AAK1: variants seen among roughly 807,000 people sequenced by gnomAD.
AAK1 encodes AP2 associated kinase 1.
Under a neutral mutation model 116.0 loss-of-function variants are expected in AAK1, and 37 were observed. The observed-to-expected ratio is 0.32, with a 90% CI of 0.25 to 0.42. The LOEUF is 0.42. Ranked by LOEUF, AAK1 falls within the 10% of genes least tolerant of loss-of-function variation. The probability of loss-of-function intolerance (pLI) is 1.00; values close to 1 mark genes in which losing one functional copy is unlikely to be tolerated. For missense variants in AAK1, 919 were observed against 1,170.6 expected, an observed-to-expected ratio of 0.79 and a Z score of 3.14; for synonymous variants, 458 against 439.9, an observed-to-expected ratio of 1.04 and a Z score of -0.51.
chr2:69,600,526 C>T (rs1673527944), intron 2 of AAK1, among the ~76,000 whole-genome samples: 1 of 151,994 alleles, frequency 6.6e-6, no homozygotes, highest in African/African-American at 2.4e-5. Flanking sequence ...AGAAGTGGAG[C>T]CTGAAGATGT....
chr2:69,640,354 A>C (rs1459092648), intron 2 of AAK1, among the ~76,000 whole-genome samples: 2 of 152,158 alleles, frequency 1.3e-5, no homozygotes, highest in African/African-American at 2.4e-5. Flanking sequence ...CCACTGCCAC[A>C]GGGAAACAGA....
intron 1 of AAK1, 30 bp downstream of exon 1, chr2:69,643,545 C>T: frequency 4.9e-6 from 6 of 1,227,818 alleles, no homozygotes; most frequent in Non-Finnish European, 6.1e-6. Context: ...TCCCCGCCGC[C>T]CCTCGAGGCG....
At chr2:69,565,038 G>A (rs940233788) in intron 2 of AAK1, among the ~76,000 whole-genome samples, 9 of 152,208 alleles carry the variant, frequency 5.9e-5, no homozygotes, top group Admixed American at 2.6e-4. Flanking sequence ...AAACCCAAAT[G>A]CCTGAAGAGC....
intron 2 of AAK1, among the ~76,000 whole-genome samples, chr2:69,635,095 A>C (rs1013336350): frequency 6.6e-6 from 1 of 152,262 alleles, no homozygotes; most frequent in Non-Finnish European, 1.5e-5. Flanking sequence ...CAGAATATAC[A>C]GAGAACTCCT....
intron 2 of AAK1, among the ~76,000 whole-genome samples, chr2:69,609,843 A>G (rs1470504746): frequency 6.6e-6 from 1 of 151,974 alleles, no homozygotes; most frequent in East Asian, 1.9e-4. Flanking sequence ...AGGTCAGGAG[A>G]TCGAGACCAT....
chr2:69,614,379 ACT>A (rs1378268743), intron 2 of AAK1, among the ~76,000 whole-genome samples: 1 of 151,908 alleles, frequency 6.6e-6, no homozygotes, highest in Non-Finnish European at 1.5e-5. Context: ...AGTCTAGTAA[ACT>A]CTCTCTCATG....
At chr2:69,504,976 A>T (rs1558917123) in intron 16 of AAK1, among the ~76,000 whole-genome samples, 1 of 152,142 alleles carries the variant, frequency 6.6e-6, no homozygotes, top group African/African-American at 2.4e-5. Context: ...AAAATGTATA[A>T]TTTTTTATTA....
chr2:69,574,742 G>A (rs751067472), intron 2 of AAK1, among the ~76,000 whole-genome samples: 27 of 152,212 alleles, frequency 1.8e-4, no homozygotes, highest in Middle Eastern at 3.4e-3. Flanking sequence ...AGGCTGAGGC[G>A]AGAGGATTTC....
rs938570758 is a variant in AAK1, at chr2:69,465,400, G to A, written c.*10469C>T. ...GGTATTGAGGGTGGGATAGAGACAA[G>A]AGGCTTGAGGCTCAGGTTTTGCTCC... On this transcript the variant is annotated 3_prime_UTR_variant, in exon 22 of 22. Transcript: ENST00000409085. 1 of 1,262,964 alleles carries A rather than the reference G, an allele frequency of 7.9e-7. No individual in the cohort carries two copies. The allele number at this position is 1,262,964 out of a possible 1,614,324, so 78.2% of individuals were successfully genotyped here.
rs919596201 is a variant in AAK1, at chr2:69,467,679, C to A, written c.*8190G>T. The A allele has an allele frequency of 1.3e-5, 13 of 985,314 alleles. No individual in the cohort carries two copies. The highest frequency in any genetic ancestry group is 5.2e-4 in the Middle Eastern group (1 of 1,936). 61.0% of individuals were successfully genotyped at this position (985,314 alleles called of 1,614,324 possible). On this transcript the variant is annotated 3_prime_UTR_variant, in exon 22 of 22. Coordinates refer to ENST00000409085, the MANE Select transcript of AAK1 (RefSeq NM_014911.5). ...GGAACTCAATGATCCCCTTCCCATA[C>A]TGACCCTCTCCCCTCCTATGCAAAC...
At chr2:69,584,128 G>A (rs1228838385) in intron 2 of AAK1, among the ~76,000 whole-genome samples, 2 of 151,930 alleles carry the variant, frequency 1.3e-5, no homozygotes, top group East Asian at 1.9e-4. Context: ...AAACCCACCC[G>A]CCTCCTTCAA....
chr2:69,518,355 G>T (rs1572916300), intron 12 of AAK1, among the ~76,000 whole-genome samples: 1 of 150,414 alleles, frequency 6.6e-6, no homozygotes, highest in African/African-American at 2.4e-5. Context: ...TATGATAATG[G>T]TGTTACAGTT....
chr2:69,558,629 A>G (rs1324054958), intron 2 of AAK1, among the ~76,000 whole-genome samples: 1 of 152,194 alleles, frequency 6.6e-6, no homozygotes, highest in African/African-American at 2.4e-5. Flanking sequence ...TCTGTTCAGC[A>G]AAAAAATCAG....
At chr2:69,558,978 T>C (rs1172946070) in intron 2 of AAK1, among the ~76,000 whole-genome samples, 3 of 152,166 alleles carry the variant, frequency 2.0e-5, no homozygotes, top group Non-Finnish European at 2.9e-5. Flanking sequence ...AAAGAGCCTT[T>C]ATCATAAAGC....
chr2:69,585,614 G>T (rs957974719), intron 2 of AAK1, among the ~76,000 whole-genome samples: 1 of 152,130 alleles, frequency 6.6e-6, no homozygotes, highest in African/African-American at 2.4e-5. Flanking sequence ...TATCTCTCCT[G>T]CATCGTTAAA....
chr2:69,559,949 A>T (rs1032810842), intron 2 of AAK1, among the ~76,000 whole-genome samples: 5 of 152,228 alleles, frequency 3.3e-5, no homozygotes, highest in Admixed American at 6.5e-5. Context: ...GAAATGGGTC[A>T]GTCGCCTACC....
In AAK1 at chr2:69,530,024, G is replaced by A. The variant is rs77033904; in HGVS notation, c.855C>T (p.Asp285=). ...TIPDNSRYSQ[D]MHCLIRYMLE... ...AATACTTACTAATTAGGCAGTGCAT[G>A]TCTTGAGAATATCGAGAATTATCAG... The change falls in exon 8 of 22, where the codon GAC becomes GAT. Residue 285 remains aspartate (D), a synonymous_variant. Coordinates refer to ENST00000409085, the MANE Select transcript of AAK1 (RefSeq NM_014911.5). 2,623 of 1,593,778 alleles carry A rather than the reference G, an allele frequency of 1.6e-3. 26 individuals are homozygous for A. The African/African-American group carries it at 0.031, about 19-fold the overall frequency.
intron 3 of AAK1, 55 bp downstream of exon 3, chr2:69,556,805 G>A: frequency 3.6e-6 from 5 of 1,385,260 alleles, no homozygotes; most frequent in Non-Finnish European, 5.1e-6. Flanking sequence ...TCTTATGAGA[G>A]GGTACAATCT....
chr2:69,517,728 T>G (rs1228930047), intron 12 of AAK1, among the ~76,000 whole-genome samples: 2 of 147,530 alleles, frequency 1.4e-5, no homozygotes, highest in Non-Finnish European at 3.0e-5. Flanking sequence ...ATGCCAAAAA[T>G]TCCAAGGGAC....
Sources: gnomAD v4.1 joint callset for allele counts (sites outside exome capture counted in the v4.1 genomes callset) on GRCh38, gnomAD v4.1.1 for gene constraint, MANE v1.5 for transcripts, NCBI Gene and HGNC (gene_info 2026-07-23, HGNC 2026-07-21) for gene names.